The following PLK1 variants were observed in gnomAD, a reference collection of about 807,000 sequenced individuals.
PLK1 encodes polo like kinase 1.
In PLK1, 6 loss-of-function variants were observed where a neutral mutation model predicts 56.7. The ratio of observed to expected loss-of-function variants is 0.11; its 90% CI spans 0.06 to 0.21. The LOEUF (loss-of-function observed/expected upper bound fraction) is 0.21. PLK1 is among the 10% of genes least tolerant of loss of function. The probability of loss-of-function intolerance (pLI) is 1.00; values close to 1 mark genes in which losing one functional copy is unlikely to be tolerated. For synonymous variants in PLK1, 298 were observed against 325.0 expected (o/e 0.92, Z 0.89); for missense variants, 546 against 814.4 (o/e 0.67, Z 4.01).
At chr16:23,683,040 G>C (rs1234148789) in intron 4 of PLK1, among the ~76,000 whole-genome samples, 3 of 141,208 alleles carry the variant, frequency 2.1e-5, no homozygotes, top group Non-Finnish European at 3.0e-5. Context: ...GCCCAGGCTG[G>C]AATGCAGTGG....
chr16:23,685,559 CTA>C (rs1959413313), intron 5 of PLK1, among the ~76,000 whole-genome samples: 2 of 151,946 alleles, frequency 1.3e-5, no homozygotes, highest in South Asian at 4.1e-4. Context: ...ATACAAAAGA[CTA>C]GCCGGGCGTG....
chr16:23,689,307 A>G lies in PLK1; in HGVS notation c.1340A>G (p.Asp447Gly). Residue 447 changes from aspartate to glycine, a missense_variant, in exon 8 of 10, where the codon GAT becomes GGT. By Grantham distance (94) the Asp-to-Gly change is moderately conservative (BLOSUM62 -1). This residue lies in a region of PLK1 where 113 missense variants were observed against 202.0 expected (regional missense o/e 0.56). Transcript: ENST00000300093. This position sits in a 1 kb window ranked among gnomAD's most constrained non-coding sequence, Gnocchi z 4.8. The part of the protein sequence containing the change: ...NDSTRLILYN[D>G]GDSLQYIERD... ...TCAACACGCCTCATCCTCTACAATG[A>G]TGGTGACAGCCTGCAGTACATAGAG... is the stretch of plus-strand genomic sequence containing the variant. The G allele has an allele frequency of 6.2e-7, 1 of 1,613,994 alleles. No homozygotes were observed. The highest frequency in any genetic ancestry group is 8.5e-7 in the Non-Finnish European group (1 of 1,179,900).
In PLK1 at chr16:23,687,268, G is replaced by C. The variant is rs576354107; in HGVS notation, c.1037-201G>C. ...GCCACACCGTTGGGTCAGAGGCCAC[G>C]GCTTCTGAAGATCTGTTGCCTCACA... On this transcript the variant is annotated intron_variant, in intron 5 of 9. Coordinates refer to ENST00000300093, the MANE Select transcript of PLK1 (RefSeq NM_005030.6). 3.2e-3 allele frequency: 1,263 copies of C among 388,992 alleles called. 17 individuals are homozygous for C. The highest frequency in any genetic ancestry group is 1.0e-3 in the Non-Finnish European group (218 of 216,986). The allele number at this position is 388,992 out of a possible 1,614,324, so 24.1% of individuals were successfully genotyped here.
At position 23,690,185 on chromosome 16, in the gene PLK1, G is replaced by A. The variant is rs750094170; in HGVS notation, c.*122G>A. 6.6e-6 allele frequency: 5 copies of A among 752,166 alleles called. No individual in the cohort carries two copies. Among genetic ancestry groups the A allele is most frequent in the Non-Finnish European group, 1.2e-5 (5 of 431,244 alleles). 46.6% of individuals were successfully genotyped at this position (752,166 alleles called of 1,614,324 possible). On this transcript the variant is annotated 3_prime_UTR_variant, in exon 10 of 10. Coordinates refer to ENST00000300093, the MANE Select transcript of PLK1 (RefSeq NM_005030.6). ...CCCCCAGCCCCGGTGGCTGGGCAGAGCTGCATCATCCTTGCAGGTGGGGGT... is the reference window on the plus strand; with the variant it reads ...CCCCCAGCCCCGGTGGCTGGGCAGAACTGCATCATCCTTGCAGGTGGGGGT...
chr16:23,683,040 G>A (rs1234148789), intron 4 of PLK1, among the ~76,000 whole-genome samples: 1 of 141,208 alleles, frequency 7.1e-6, no homozygotes, highest in Non-Finnish European at 1.5e-5. Context: ...GCCCAGGCTG[G>A]AATGCAGTGG....
chr16:23,682,002 A>G (rs1959337845), intron 3 of PLK1, 62 bp from the exon 4 acceptor site: 2 of 883,666 alleles, frequency 2.3e-6, no homozygotes, highest in Non-Finnish European at 3.8e-6. Context: ...CCCTGAGATG[A>G]TTTCTCTCAT....
intron 7 of PLK1, 90 bp downstream of exon 7, chr16:23,688,835 G>C: frequency 1.1e-6 from 1 of 910,152 alleles, no homozygotes; most frequent in South Asian, 1.3e-5. Context: ...GAGCTCCCAG[G>C]TACTGTTCTC....
chr16:23,679,334 C>T lies in PLK1; in HGVS notation c.402C>T (p.Arg134=). ...DFVFVVLELC[R]RRSLLELHKR... Reference sequence around the variant, plus strand: ...TGTTCGTGGTGTTGGAGCTCTGCCGCCGGAGGGTGAGTGTCGCTGCTGGGG... The same window carrying T: ...TGTTCGTGGTGTTGGAGCTCTGCCGTCGGAGGGTGAGTGTCGCTGCTGGGG... The change falls in exon 1 of 10, where the codon CGC becomes CGT. Residue 134 remains arginine, a synonymous_variant. Transcript: ENST00000300093. 6.2e-7 allele frequency: 1 copy of T among 1,610,740 alleles called. No individual in the cohort carries two copies. The highest frequency in any genetic ancestry group is 1.7e-5 in the Admixed American group (1 of 59,908).
At chr16:23,684,774 C>G (rs1484536056) in intron 5 of PLK1, among the ~76,000 whole-genome samples, 1 of 152,048 alleles carries the variant, frequency 6.6e-6, no homozygotes, top group Admixed American at 6.6e-5. Context: ...TCTCCTGCCT[C>G]AGCCTCCTGA....
chr16:23,684,169 G>T (rs1393811000), intron 5 of PLK1, 80 bp downstream of exon 5: 3 of 1,084,034 alleles, frequency 2.8e-6, no homozygotes, highest in Non-Finnish European at 4.2e-6. Flanking sequence ...TTAGTCCCTG[G>T]CCCTGAGAGC....
intron 1 of PLK1, chr16:23,679,808 G>A: frequency 5.7e-6 from 2 of 352,084 alleles, no homozygotes; most frequent in Non-Finnish European, 1.0e-5. Context: ...CCGGAGTGGG[G>A]CTGAGAGAGG....
chr16:23,680,028 C>T, intron 1 of PLK1, 56 bp from the exon 2 acceptor site: 2 of 1,297,738 alleles, frequency 1.5e-6, no homozygotes, highest in Non-Finnish European at 2.2e-6. Flanking sequence ...CTCTCCCTTC[C>T]CCACCGGCCT....
In PLK1 at chr16:23,689,683, T is replaced by C; in HGVS notation, c.1608+7T>C. ...GCAGATCAACTTCTTCCAGGTGAGC[T>C]GGAGGTCACCAGGCGCAGGAGAGAG... is the stretch of plus-strand genomic sequence containing the variant. On this transcript the variant is annotated splice_region_variant and intron_variant, in intron 9 of 9. Transcript: ENST00000300093. This position sits in a 1 kb window ranked among gnomAD's most constrained non-coding sequence, Gnocchi z 4.8. 1 of 1,596,108 alleles carries C rather than the reference T, an allele frequency of 6.3e-7. No homozygotes were observed. The highest frequency in any genetic ancestry group is 1.3e-5 in the African/African-American group (1 of 74,760).
At chr16:23,684,538 G>C (rs535354939) in intron 5 of PLK1, among the ~76,000 whole-genome samples, 1 of 151,830 alleles carries the variant, frequency 6.6e-6, no homozygotes, top group African/African-American at 2.4e-5. Flanking sequence ...AATTTTTGTA[G>C]AGACAGTGTT....
Position 23,680,078 on chromosome 16 carries a change from C to T in PLK1, c.409-6C>T, listed in dbSNP as rs201566539. Reference sequence around the variant, plus strand: ...ATCCCTCCTGCCCTCTCCTTCCCACCCACAGTCTCTCCTGGAGCTGCACAA... The same window carrying T: ...ATCCCTCCTGCCCTCTCCTTCCCACTCACAGTCTCTCCTGGAGCTGCACAA... On this transcript the variant is annotated splice_polypyrimidine_tract_variant and splice_region_variant and intron_variant, in intron 1 of 9. Coordinates refer to ENST00000300093, the MANE Select transcript of PLK1 (RefSeq NM_005030.6). 3.0e-5 allele frequency: 48 copies of T among 1,611,340 alleles called. No homozygotes were observed. The highest frequency in any genetic ancestry group is 3.3e-4 in the Middle Eastern group (2 of 6,078).
intron 7 of PLK1, 95 bp downstream of exon 7, chr16:23,688,840 G>C (rs1959477154): frequency 1.2e-6 from 1 of 854,854 alleles, no homozygotes. Flanking sequence ...CCCAGGTACT[G>C]TTCTCAGTGC....
rs186612160 is a variant in PLK1 at position 23,680,036 on chromosome 16, C to T, written c.409-48C>T. On this transcript the variant is annotated intron_variant, in intron 1 of 9. Coordinates refer to ENST00000300093, the MANE Select transcript of PLK1 (RefSeq NM_005030.6). ...GGTAACCCTCTCCCTTCCCCACCGG[C>T]CTCAATCCACCTCCCCATCCCTCCT... The T allele has an allele frequency of 4.1e-5, 58 of 1,398,100 alleles. No homozygotes were observed. The Middle Eastern group carries it at 1.4e-3, about 34-fold the overall frequency. 86.6% of individuals were successfully genotyped at this position (1,398,100 alleles called of 1,614,324 possible). A position where few individuals can be genotyped will look rare whatever the true frequency, so the allele number is the denominator to read the frequency against.
At chr16:23,682,642 C>A (rs2140998470) in intron 4 of PLK1, among the ~76,000 whole-genome samples, 1 of 151,838 alleles carries the variant, frequency 6.6e-6, no homozygotes, top group South Asian at 2.1e-4. Context: ...CCTGCCTCAG[C>A]CTCCCAAGTA....
intron 1 of PLK1, 136 bp downstream of exon 1, chr16:23,679,476 C>A (rs1030224604): frequency 7.8e-6 from 6 of 765,206 alleles, no homozygotes; most frequent in Non-Finnish European, 4.1e-6. Flanking sequence ...GGGAGCCTCC[C>A]GCTTACGTAT....
Sources: allele counts gnomAD v4.1 joint callset (sites outside exome capture counted in the v4.1 genomes callset), GRCh38; gene constraint gnomAD v4.1.1; regional missense constraint gnomAD v4.1.1; non-coding constraint Gnocchi (gnomAD v3.1); transcripts MANE v1.5; gene names NCBI Gene and HGNC (gene_info 2026-07-23, HGNC 2026-07-21).